SACS: variants seen among roughly 807,000 people sequenced by gnomAD.
The protein encoded by SACS is sacsin.
Under a neutral mutation model 348.0 loss-of-function variants are expected in SACS, and 197 were observed. That is an observed-to-expected ratio of 0.57 (90% CI 0.50 to 0.64). The LOEUF is 0.64. Among genes scored for constraint, SACS ranks in the 30% least tolerant of loss-of-function variants. The probability of loss-of-function intolerance (pLI) is 0.00; values close to 1 mark genes in which losing one functional copy is unlikely to be tolerated. For synonymous variants in SACS, 1,985 were observed against 1,910.6 expected, an observed-to-expected ratio of 1.04 and a Z score of -1.02; for missense variants, 4,999 against 5,360.8, an observed-to-expected ratio of 0.93 and a Z score of 2.11.
intron 2 of SACS, among the ~76,000 whole-genome samples, chr13:23,392,850 T>C (rs1353345385): frequency 6.6e-6 from 1 of 152,180 alleles, no homozygotes; most frequent in Non-Finnish European, 1.5e-5. Context: ...CTCTCCCCTC[T>C]CCTGGCCACA....
At chr13:23,430,377 G>T (rs1874387043) in intron 1 of SACS, among the ~76,000 whole-genome samples, 1 of 152,026 alleles carries the variant, frequency 6.6e-6, no homozygotes, top group Non-Finnish European at 1.5e-5. Flanking sequence ...ATATCATATT[G>T]CCAAATTTAG....
At position 23,334,145 on chromosome 13, in the gene SACS, A is replaced by T. The variant is rs886042769; in HGVS notation, c.9731T>A (p.Leu3244His). The change falls in exon 10 of 10, where the codon CTT (leucine) becomes CAT (histidine). Residue 3244 changes from leucine (L) to histidine (H), a missense_variant. Around this residue, in one of 6 missense-constraint regions of SACS, gnomAD observed 734 missense variants for 694.0 expected, o/e 1.06. Transcript: ENST00000382292. Reference sequence around the variant, plus strand: ...ACTAATAAAATGCCATGCATTCTTAAGCCAAGACTCACTTGCAAAATTGTC... The same window carrying T: ...ACTAATAAAATGCCATGCATTCTTATGCCAAGACTCACTTGCAAAATTGTC... Reference protein sequence around the residue: ...WKDNFASESWLKNAWHFISES... With the variant: ...WKDNFASESWHKNAWHFISES... 7 of 1,613,802 alleles carry T rather than the reference A, an allele frequency of 4.3e-6. No homozygotes were observed. In the Admixed American group the frequency reaches 1.2e-4, roughly 27 times the overall value.
Position 23,336,899 on chromosome 13 carries a change from G to T in SACS, c.6977C>A (p.Ala2326Asp), listed in dbSNP as rs1178057805. 2.5e-6 allele frequency: 4 copies of T among 1,613,552 alleles called. No homozygotes were observed. Among genetic ancestry groups the T allele is most frequent in the Non-Finnish European group, 3.4e-6 (4 of 1,179,592 alleles). The change falls in exon 10 of 10, where the codon GCC becomes GAC. Residue 2326 changes from alanine to aspartate, a missense_variant. Ala to Asp is a moderately radical substitution (Grantham distance 126). This residue lies in a region of SACS where 3,156 missense variants were observed against 3,380.1 expected (regional missense o/e 0.93). Transcript: ENST00000382292. ...CTTAGTGATTTCATTTTGCATCAAG[G>T]CTTCATGAAGGTATTTGTAGCAAGC... ...TNACYKYLHEALMQNEITKMS... is the reference protein window; with the variant it reads ...TNACYKYLHEDLMQNEITKMS...
chr13:23,392,062 C>T (rs150368197), intron 2 of SACS, among the ~76,000 whole-genome samples: 2,608 of 152,212 alleles, frequency 0.017, 24 homozygotes, highest in Non-Finnish European at 0.022. Context: ...AAATGGAGCC[C>T]GGAGCTGGGA....
rs1188533826 is a variant in SACS, at chr13:23,332,216, C to T, written c.11660G>A (p.Ser3887Asn). The change falls in exon 10 of 10, where the codon AGT becomes AAT. Residue 3887 changes from serine to asparagine, a missense_variant. Ser to Asn is a conservative substitution (Grantham distance 46, BLOSUM62 1). Around this residue, in one of 6 missense-constraint regions of SACS, gnomAD observed 831 missense variants for 941.8 expected, o/e 0.88. Transcript: ENST00000382292. ...CACCTTGACTGAATCATTCTGTAGA[C>T]TCCTGAACAGACCAGAAACTACTCT... Reference protein sequence around the residue: ...VKRVVSGLFRSLQNDSVKVRS... With the variant: ...VKRVVSGLFRNLQNDSVKVRS... 1.2e-6 allele frequency: 2 copies of T among 1,613,876 alleles called. No homozygotes were observed. Among genetic ancestry groups the T allele is most frequent in the African/African-American group, 2.7e-5 (2 of 74,912 alleles).
chr13:23,375,497 G>C, intron 2 of SACS: 1 of 1,137,952 alleles, frequency 8.8e-7, no homozygotes, highest in Non-Finnish European at 1.1e-6. Context: ...GCAGCAGCCC[G>C]CGCCGAGGAG....
chr13:23,386,739 T>C (rs190625769), intron 2 of SACS, among the ~76,000 whole-genome samples: 5 of 152,326 alleles, frequency 3.3e-5, no homozygotes, highest in Admixed American at 6.5e-5. Flanking sequence ...TAGTCATTTC[T>C]AGCTTTTGAT....
At chr13:23,417,159 G>A (rs1243651608) in intron 1 of SACS, among the ~76,000 whole-genome samples, 4 of 152,136 alleles carry the variant, frequency 2.6e-5, no homozygotes, top group Non-Finnish European at 5.9e-5. Context: ...GGAATTTTAA[G>A]AAGAAAATCT....
rs1468715088 is a variant in SACS, at chr13:23,329,474, A to C, written c.*662T>G. The C allele has an allele frequency of 9.1e-6, 7 of 769,118 alleles. No homozygotes were observed. Among genetic ancestry groups the C allele is most frequent in the Non-Finnish European group, 1.7e-5 (7 of 414,568 alleles). 47.6% of individuals were successfully genotyped at this position (769,118 alleles called of 1,614,324 possible). ...TGAGTTTTCCGTTGCTATCTTCATC[A>C]AACAGGAAGCCTGTAAACATAAGAT... On this transcript the variant is annotated 3_prime_UTR_variant, in exon 10 of 10. Coordinates refer to ENST00000382292, the MANE Select transcript of SACS (RefSeq NM_014363.6).
intron 6 of SACS, among the ~76,000 whole-genome samples, chr13:23,362,698 G>A (rs1015964946): frequency 2.7e-5 from 4 of 146,576 alleles, no homozygotes; most frequent in Non-Finnish European, 5.9e-5. Flanking sequence ...TGATTCTCCT[G>A]CCTCAGCCTC....
chr13:23,334,385 T>C lies in SACS; in HGVS notation c.9491A>G (p.Gln3164Arg). ...CTTGGGTCGTTTTGCATCAAAAGTT[T>C]GCAAAACACTGTCCAGTGTGATGAG... ...PLLITLDSVL[Q>R]TFDAKRPKFL... Residue 3164 changes from glutamine to arginine, a missense_variant, in exon 10 of 10, where the codon CAA (glutamine) becomes CGA (arginine). By Grantham distance (43) the Gln-to-Arg change is conservative. Transcript: ENST00000382292. 2 of 1,613,074 alleles carry C rather than the reference T, an allele frequency of 1.2e-6. No individual in the cohort carries two copies. The highest frequency in any genetic ancestry group is 8.5e-7 in the Non-Finnish European group (1 of 1,179,616).
At chr13:23,430,755 T>C (rs1033101489) in intron 1 of SACS, among the ~76,000 whole-genome samples, 1 of 152,222 alleles carries the variant, frequency 6.6e-6, no homozygotes, top group African/African-American at 2.4e-5. Context: ...GTAGAGCCCT[T>C]ATTTTCTGCC....
chr13:23,343,345 T>C (rs1429901462), intron 9 of SACS, among the ~76,000 whole-genome samples: 1 of 152,202 alleles, frequency 6.6e-6, no homozygotes, highest in Admixed American at 6.5e-5. Context: ...CGATCTTGTA[T>C]AGACACTAAC....
chr13:23,332,837 A>T lies in SACS; in HGVS notation c.11039T>A (p.Ile3680Lys). 1.9e-6 allele frequency: 3 copies of T among 1,613,850 alleles called. No individual in the cohort carries two copies. The highest frequency in any genetic ancestry group is 2.5e-6 in the Non-Finnish European group (3 of 1,179,936). The change falls in exon 10 of 10, where the codon ATA becomes AAA. Residue 3680 changes from isoleucine (I) to lysine (K), a missense_variant. By Grantham distance (102) the Ile-to-Lys change is moderately radical (BLOSUM62 -3). This residue lies in a region of SACS where 831 missense variants were observed against 941.8 expected (regional missense o/e 0.88). Coordinates refer to ENST00000382292, the MANE Select transcript of SACS (RefSeq NM_014363.6). ...ATTTACCTGTGCTCCATTGAACTTTATAAGAGGAAGTGTTCCATTTACCTC... is the reference window on the plus strand; with the variant it reads ...ATTTACCTGTGCTCCATTGAACTTTTTAAGAGGAAGTGTTCCATTTACCTC... The part of the protein sequence containing the change: ...YQEVNGTLPL[I>K]KFNGAQVNPK...
At chr13:23,375,060 G>C in intron 3 of SACS, 59 bp downstream of exon 3, 1 of 1,383,678 alleles carries the variant, frequency 7.2e-7, no homozygotes, top group South Asian at 1.7e-5. Flanking sequence ...CCGGGCCCTC[G>C]ACGCCCGCCG....
Position 23,355,627 on chromosome 13 carries a change from G to C in SACS, c.985C>G (p.Leu329Val), listed in dbSNP as rs1208938854. ...TCACTCGAAGTCACTCTAAACACCA[G>C]TTTCTCTGTTCCGTCAGCCTCTCGG... Reference protein sequence around the residue: ...YVREADGTEKLVFRVTSSESK... With the variant: ...YVREADGTEKVVFRVTSSESK... The change falls in exon 8 of 10, where the codon CTG becomes GTG. Residue 329 changes from leucine to valine, a missense_variant. This residue lies in a region of SACS where 3,156 missense variants were observed against 3,380.1 expected (regional missense o/e 0.93). Transcript: ENST00000382292. 1 of 1,614,106 alleles carries C rather than the reference G, an allele frequency of 6.2e-7. No homozygotes were observed. Among genetic ancestry groups the C allele is most frequent in the East Asian group, 2.2e-5 (1 of 44,884 alleles).
chr13:23,424,468 C>G (rs774004717), intron 1 of SACS, among the ~76,000 whole-genome samples: 34 of 150,776 alleles, frequency 2.3e-4, no homozygotes, highest in Non-Finnish European at 4.0e-4. Context: ...GAGGTTGCAG[C>G]GAGCCGAGAT....
intron 1 of SACS, among the ~76,000 whole-genome samples, chr13:23,421,129 G>A (rs756190245): frequency 6.6e-5 from 10 of 151,836 alleles, no homozygotes; most frequent in South Asian, 4.1e-4. Context: ...CCTTGTGTCC[G>A]CCTGGGCCCT....
Position 23,346,024 on chromosome 13 carries a change from GGTCCCTGCC to G in SACS, c.2186-4343_2186-4335del, listed in dbSNP as rs568683390. Among the ~76,000 whole-genome samples the G allele has an allele frequency of 7.4e-3, 1,132 of 152,222 alleles. 6 individuals carry two copies. Among genetic ancestry groups the G allele is most frequent in the Non-Finnish European group, 0.011 (728 of 68,006 alleles). ...CCTTCCTCTGCACACCCAGGACGGG[GGTCCCTGCC>G]GTCACCAACCGTAGCACACTGAGCC... On this transcript the variant is annotated intron_variant, in intron 9 of 9. Transcript: ENST00000382292.
Sources: gnomAD v4.1 joint callset for allele counts (sites outside exome capture counted in the v4.1 genomes callset) on GRCh38, gnomAD v4.1.1 for gene constraint, gnomAD v4.1.1 regional missense constraint, MANE v1.5 for transcripts, NCBI Gene and HGNC (gene_info 2026-07-23, HGNC 2026-07-21) for gene names.